Variants in CRTC1 observed in about 807,000 individuals in gnomAD.
CRTC1 encodes the protein CREB regulated transcription coactivator 1.
CRTC1 carries 18 observed loss-of-function variants against 66.1 expected under a neutral mutation model. The ratio of observed to expected loss-of-function variants is 0.27; its 90% CI spans 0.19 to 0.40. CRTC1 has a LOEUF of 0.40. CRTC1 is among the 10% of genes least tolerant of loss of function. The pLI is 1.00. For missense variants in CRTC1, 669 were observed against 887.9 expected (o/e 0.75, Z 3.13); for synonymous variants, 416 against 398.8 (o/e 1.04, Z -0.51).
chr19:18,764,368 C>T (rs1057239633), intron 8 of CRTC1, among the ~76,000 whole-genome samples: 2 of 152,242 alleles, frequency 1.3e-5, no homozygotes, highest in Non-Finnish European at 2.9e-5. Flanking sequence ...CGCCATCTCA[C>T]CAACCAGGGA....
rs144561607 is a variant in CRTC1, at chr19:18,748,069, CCT to C, written c.443+956_443+957del. Reference sequence around the variant, plus strand: ...TCCAGCCTGGGCCACAGAGCGAGACCCTGTCTCCAAGGCCTAAAATAACAATA... The same window carrying C: ...TCCAGCCTGGGCCACAGAGCGAGACCGTCTCCAAGGCCTAAAATAACAATA... On this transcript the variant is annotated intron_variant, in intron 4 of 13. Transcript: ENST00000321949. Among the ~76,000 whole-genome samples the C allele has an allele frequency of 2.8e-3, 429 of 152,122 alleles. 5 individuals carry two copies. Among genetic ancestry groups the C allele is most frequent in the African/African-American group, 0.01 (416 of 41,496 alleles).
At chr19:18,733,844 G>A (rs1016112764) in intron 1 of CRTC1, among the ~76,000 whole-genome samples, 3 of 152,200 alleles carry the variant, frequency 2.0e-5, no homozygotes, top group African/African-American at 4.8e-5. Context: ...GGCTGGGCGC[G>A]GTGGCTCCTG....
intron 1 of CRTC1, among the ~76,000 whole-genome samples, chr19:18,733,015 A>G (rs546230311): frequency 9.9e-5 from 15 of 151,864 alleles, no homozygotes; most frequent in Non-Finnish European, 2.2e-4. Flanking sequence ...TGAATCCAGA[A>G]GATGGAGGCT....
chr19:18,775,033 GCTTGCTGGGACC>G, intron 12 of CRTC1, 47 bp downstream of exon 12: 1 of 1,565,620 alleles, frequency 6.4e-7, no homozygotes. Flanking sequence ...CAGGACAGAT[GCTTGCTGGGACC>G]CTCGCTGGGA....
chr19:18,737,739 GCTCCTCCTC>G (rs760680059), intron 1 of CRTC1, among the ~76,000 whole-genome samples: 2 of 149,732 alleles, frequency 1.3e-5, no homozygotes, highest in African/African-American at 2.5e-5. Context: ...TCCTGCTGCT[GCTCCTCCTC>G]CTCCTCCTCC....
chr19:18,759,863 C>A lies in CRTC1; in HGVS notation c.666-145C>A, dbSNP rs1335069911. On this transcript the variant is annotated intron_variant, in intron 7 of 13. Coordinates refer to ENST00000321949, the MANE Select transcript of CRTC1 (RefSeq NM_015321.3). ...TGCTTTCCAAGGTCTCAGCCTGGTG[C>A]CAGCCAACAGTGGTTTCCCAAGCAC... The A allele has an allele frequency of 8.0e-6, 6 of 753,168 alleles. No homozygotes were observed. The South Asian group carries it at 9.2e-5, about 12-fold the overall frequency. 46.7% of individuals were successfully genotyped at this position (753,168 alleles called of 1,614,324 possible).
intron 3 of CRTC1, 130 bp from the exon 4 acceptor site, chr19:18,746,923 A>G (rs897110458): frequency 6.8e-6 from 5 of 739,862 alleles, no homozygotes; most frequent in Admixed American, 2.1e-5. Context: ...CCCCCGCCCT[A>G]CTGGTCCCAG....
intron 1 of CRTC1, among the ~76,000 whole-genome samples, chr19:18,732,659 C>G (rs1387740796): frequency 1.3e-5 from 2 of 152,102 alleles, no homozygotes; most frequent in African/African-American, 4.8e-5. Context: ...AGGTTCCAGA[C>G]AAGGGCTTCG....
chr19:18,707,093 C>A (rs10423674), intron 1 of CRTC1, among the ~76,000 whole-genome samples: 63,325 of 151,940 alleles, frequency 0.42, 14,059 homozygotes, highest in East Asian at 0.64. Context: ...TTTTGGTGTC[C>A]GATCCAAGAA....
rs58104974 is a variant in CRTC1, at chr19:18,706,182, CTTTTTTTTTTTTTTTTTTTTT to C, written c.126+22375_126+22395del. ...GGGCTTTCTATTCTATTCCATTGGT[CTTTTTTTTTTTTTTTTTTTTT>C]TTTTTTTTTTTTTTTTTTTTAGACA... On this transcript the variant is annotated intron_variant, in intron 1 of 13. Coordinates refer to ENST00000321949, the MANE Select transcript of CRTC1 (RefSeq NM_015321.3). Among the ~76,000 whole-genome samples, 84 of 18,714 alleles carry C rather than the reference CTTTTTTTTTTTTTTTTTTTTT, an allele frequency of 4.5e-3. 1 individual carries two copies. The highest frequency in any genetic ancestry group is 0.011 in the African/African-American group (59 of 5,330). The allele number at this position is 18,714 out of a possible 152,430, so 12.3% of individuals were successfully genotyped here.
chr19:18,689,932 G>A (rs2052789128), intron 1 of CRTC1, among the ~76,000 whole-genome samples: 1 of 151,970 alleles, frequency 6.6e-6, no homozygotes, highest in African/African-American at 2.4e-5. Context: ...GGATAGCTGT[G>A]GCTGTGAGTG....
chr19:18,706,607 T>C (rs1348889104), intron 1 of CRTC1, among the ~76,000 whole-genome samples: 1 of 152,210 alleles, frequency 6.6e-6, no homozygotes, highest in Non-Finnish European at 1.5e-5. Context: ...GTCTTCCAAT[T>C]TTGTTATTCT....
intron 1 of CRTC1, among the ~76,000 whole-genome samples, chr19:18,740,189 G>A (rs906050482): frequency 1.1e-4 from 16 of 151,888 alleles, no homozygotes; most frequent in African/African-American, 3.9e-4. Context: ...GGAAGTGGAG[G>A]TTGCAGTAAG....
intron 5 of CRTC1, among the ~76,000 whole-genome samples, chr19:18,753,270 C>T (rs970648738): frequency 9.7e-5 from 13 of 133,792 alleles, no homozygotes; most frequent in South Asian, 2.5e-4. Context: ...AGCGAGACTC[C>T]GTCTCTAAAT....
At chr19:18,730,628 C>T in intron 1 of CRTC1, among the ~76,000 whole-genome samples, 1 of 152,152 alleles carries the variant, frequency 6.6e-6, no homozygotes, top group East Asian at 1.9e-4. Flanking sequence ...CCAGCCTCCA[C>T]TCCCACCCCT....
chr19:18,779,338 C>G lies in CRTC1; in HGVS notation c.*1956C>G, dbSNP rs369371416. 2 of 227,656 alleles carry G rather than the reference C, an allele frequency of 8.8e-6. No individual in the cohort carries two copies. The highest frequency in any genetic ancestry group is 4.4e-5 in the African/African-American group (2 of 44,996). 14.1% of individuals were successfully genotyped at this position (227,656 alleles called of 1,614,324 possible). A position where few individuals can be genotyped will look rare whatever the true frequency, so the allele number is the denominator to read the frequency against. ...AGTGGCCACTCATAGGAGAAGGCTC[C>G]CTGGTCACGTTGCTCCTGCTGCCGT... On this transcript the variant is annotated 3_prime_UTR_variant, in exon 14 of 14. Transcript: ENST00000321949.
chr19:18,684,424 C>G (rs1175444923), intron 1 of CRTC1, among the ~76,000 whole-genome samples: 1 of 152,040 alleles, frequency 6.6e-6, no homozygotes, highest in Non-Finnish European at 1.5e-5. Context: ...CCTTTACTCC[C>G]TGGGTGTTGG....
In CRTC1 at chr19:18,772,480, G is replaced by A. The variant is rs527988023; in HGVS notation, c.1425+934G>A. ...ACCCCTAGCAGCCACTGCTGTGCCC[G>A]GGGCCCTGAAGCCATCCCTGTCCCC... On this transcript the variant is annotated intron_variant, in intron 11 of 13. Transcript: ENST00000321949. Among the ~76,000 whole-genome samples, 9 of 152,218 alleles carry A rather than the reference G, an allele frequency of 5.9e-5. No individual in the cohort carries two copies. In the East Asian group the frequency reaches 9.7e-4, roughly 16 times the overall value.
In CRTC1 at chr19:18,771,367, G is replaced by C; in HGVS notation, c.1321-75G>C. 7.6e-7 allele frequency: 1 copy of C among 1,313,236 alleles called. No individual in the cohort carries two copies. Among genetic ancestry groups the C allele is most frequent in the Non-Finnish European group, 1.1e-6 (1 of 947,748 alleles). The allele number at this position is 1,313,236 out of a possible 1,614,324, so 81.3% of individuals were successfully genotyped here. On this transcript the variant is annotated intron_variant, in intron 10 of 13. Transcript: ENST00000321949. This position sits in a 1 kb window ranked among gnomAD's most constrained non-coding sequence, Gnocchi z 4.6. Reference sequence around the variant, plus strand: ...GACCTGCCTGGGGGCTGATCAGGCTGCTCCCGGGAAGCAGGGACTGGAGCC... The same window carrying C: ...GACCTGCCTGGGGGCTGATCAGGCTCCTCCCGGGAAGCAGGGACTGGAGCC...
Sources: gnomAD v4.1 joint callset for allele counts (sites outside exome capture counted in the v4.1 genomes callset) on GRCh38, gnomAD v4.1.1 for gene constraint, Gnocchi (gnomAD v3.1) non-coding constraint, MANE v1.5 for transcripts, NCBI Gene and HGNC (gene_info 2026-07-23, HGNC 2026-07-21) for gene names.